The following AOPEP variants were observed in gnomAD, a reference collection of about 807,000 sequenced individuals.
AOPEP encodes the protein aminopeptidase O.
Under a neutral mutation model 98.1 loss-of-function variants are expected in AOPEP, and 77 were observed. The observed-to-expected ratio is 0.78, with a 90% CI of 0.65 to 0.95. AOPEP has a LOEUF of 0.95. Among genes scored for constraint, AOPEP ranks in the 40% least tolerant of loss-of-function variants. The probability of loss-of-function intolerance (pLI) is 0.00; values close to 1 mark genes in which losing one functional copy is unlikely to be tolerated. For missense variants in AOPEP, 1,024 were observed against 1,024.7 expected, an observed-to-expected ratio of 1.00 and a Z score of 0.01; for synonymous variants, 346 against 365.3, an observed-to-expected ratio of 0.95 and a Z score of 0.60.
chr9:94,792,201 G>A (rs2133452373), intron 3 of AOPEP, among the ~76,000 whole-genome samples: 1 of 152,310 alleles, frequency 6.6e-6, no homozygotes, highest in East Asian at 1.9e-4. Context: ...CAGGGACTAA[G>A]GGTAAGACCT....
intron 11 of AOPEP, 33 bp downstream of exon 11, chr9:94,979,460 T>C: frequency 7.1e-7 from 1 of 1,399,106 alleles, no homozygotes; most frequent in Non-Finnish European, 1.0e-6. Context: ...GTAGAATCCA[T>C]GGAGAGTAGT....
At chr9:95,042,173 G>A (rs951043628) in intron 13 of AOPEP, among the ~76,000 whole-genome samples, 23 of 152,084 alleles carry the variant, frequency 1.5e-4, no homozygotes, top group African/African-American at 4.8e-4. Flanking sequence ...TTAGCTGGGC[G>A]TGGTGGCAGA....
At chr9:94,928,838 G>A in intron 7 of AOPEP, 1 of 276,778 alleles carries the variant, frequency 3.6e-6, no homozygotes, top group Non-Finnish European at 6.8e-6. Flanking sequence ...GAGGGTTGGG[G>A]TTTGGCAGCC....
the AOPEP span, among the ~76,000 whole-genome samples, chr9:95,147,076 T>C: frequency 6.6e-6 from 1 of 150,862 alleles, no homozygotes; most frequent in Non-Finnish European, 1.5e-5. Flanking sequence ...AATATATATT[T>C]TAGATTATTA....
chr9:95,048,060 G>A (rs2133731825), intron 13 of AOPEP, among the ~76,000 whole-genome samples: 1 of 151,908 alleles, frequency 6.6e-6, no homozygotes, highest in South Asian at 2.1e-4. Flanking sequence ...TTTCCACCAG[G>A]TGGTCCAGGA....
chr9:94,790,000 A>C (rs1355463769), intron 3 of AOPEP, among the ~76,000 whole-genome samples: 1 of 151,414 alleles, frequency 6.6e-6, no homozygotes, highest in Non-Finnish European at 1.5e-5. Flanking sequence ...CAGCCTCCCG[A>C]GTAGCTGGGA....
In AOPEP at chr9:94,887,446, G is replaced by C. The variant is rs182104054; in HGVS notation, c.1365-36540G>C. ...TGGCATAAGCATTGTACTTGAGTTG[G>C]AAGTCCTGGTATTTTATGACCTGGG... On this transcript the variant is annotated intron_variant, in intron 5 of 16. Coordinates refer to ENST00000375315, the MANE Select transcript of AOPEP (RefSeq NM_001193329.3). Among the ~76,000 whole-genome samples the C allele has an allele frequency of 8.5e-5, 13 of 152,184 alleles. No homozygotes were observed. The East Asian group carries it at 2.5e-3, about 29-fold the overall frequency.
chr9:94,990,052 A>C (rs1451229014), intron 11 of AOPEP, among the ~76,000 whole-genome samples: 1 of 152,244 alleles, frequency 6.6e-6, no homozygotes, highest in Non-Finnish European at 1.5e-5. Flanking sequence ...TCTGCAAACC[A>C]ACCTTTGCCC....
intron 5 of AOPEP, among the ~76,000 whole-genome samples, chr9:94,902,696 G>T (rs933470805): frequency 6.6e-6 from 1 of 151,940 alleles, no homozygotes; most frequent in Non-Finnish European, 1.5e-5. Flanking sequence ...GTACTTGTGG[G>T]TGTGTTCCCC....
chr9:94,998,454 G>A (rs148944698), intron 11 of AOPEP, among the ~76,000 whole-genome samples: 1,534 of 152,190 alleles, frequency 0.01, 9 homozygotes, highest in Middle Eastern at 0.027. Context: ...TCTCTGGTAG[G>A]GGTGCTTCAA....
intron 13 of AOPEP, among the ~76,000 whole-genome samples, chr9:95,042,805 G>A (rs1432712481): frequency 1.3e-5 from 2 of 152,240 alleles, no homozygotes; most frequent in South Asian, 2.1e-4. Context: ...ATAATCCAGG[G>A]TAATCTAATA....
At chr9:94,896,784 A>C (rs576580173) in intron 5 of AOPEP, among the ~76,000 whole-genome samples, 12 of 152,280 alleles carry the variant, frequency 7.9e-5, no homozygotes, top group Admixed American at 3.9e-4. Flanking sequence ...TGAAGACTAA[A>C]TGTTATGTGG....
intron 5 of AOPEP, among the ~76,000 whole-genome samples, chr9:94,905,651 C>T (rs2051031700): frequency 1.3e-5 from 2 of 152,246 alleles, no homozygotes; most frequent in South Asian, 2.1e-4. Context: ...ACGCTTTTGC[C>T]CCAATCTTGT....
the AOPEP span, among the ~76,000 whole-genome samples, chr9:95,138,708 G>A: frequency 6.6e-6 from 1 of 152,170 alleles, no homozygotes; most frequent in Admixed American, 6.5e-5. Context: ...CATTCATCCT[G>A]CCAGGTGGTG....
Position 95,005,157 on chromosome 9 carries a change from G to A in AOPEP, c.1978-1G>A, listed in dbSNP as rs772001274. On this transcript the variant is annotated splice_acceptor_variant, in intron 11 of 16. Transcript: ENST00000375315. LOFTEE classifies it high-confidence loss of function. ...CTTGACTGTGTCCTCTTCCCCCGCA[G>A]CCGCTGCAGAGGGAGCGTCGCGCCG... is the stretch of plus-strand genomic sequence containing the variant. The A allele has an allele frequency of 8.7e-7, 1 of 1,149,406 alleles. No homozygotes were observed. The highest frequency in any genetic ancestry group is 1.1e-6 in the Non-Finnish European group (1 of 932,156). The allele number at this position is 1,149,406 out of a possible 1,614,324, so 71.2% of individuals were successfully genotyped here.
chr9:95,012,993 G>GGA (rs531681549), intron 13 of AOPEP, among the ~76,000 whole-genome samples: 1 of 135,452 alleles, frequency 7.4e-6, no homozygotes, highest in African/African-American at 2.8e-5. Context: ...TTTTTGGGGG[G>GGA]GGGGGCAGGG....
rs2048967099 is a variant in AOPEP at position 94,892,301 on chromosome 9, C to A, written c.1365-31685C>A. ...AGACCTTTATGATATGAATTTAGATCTTTTATTATTTTCCCACAGAACCCT... is the reference window on the plus strand; with the variant it reads ...AGACCTTTATGATATGAATTTAGATATTTTATTATTTTCCCACAGAACCCT... On this transcript the variant is annotated intron_variant, in intron 5 of 16. Transcript: ENST00000375315. Among the ~76,000 whole-genome samples the A allele has an allele frequency of 2.0e-5, 3 of 152,248 alleles. No individual in the cohort carries two copies. The South Asian group carries it at 6.2e-4, about 32-fold the overall frequency.
intron 13 of AOPEP, among the ~76,000 whole-genome samples, chr9:95,049,263 G>A (rs936957530): frequency 1.2e-4 from 18 of 152,224 alleles, no homozygotes; most frequent in African/African-American, 4.3e-4. Flanking sequence ...TAAAGGTGGA[G>A]ATTATAGTTG....
At chr9:95,061,222 A>G (rs1357619554) in intron 14 of AOPEP, among the ~76,000 whole-genome samples, 1 of 152,228 alleles carries the variant, frequency 6.6e-6, no homozygotes, top group African/African-American at 2.4e-5. Flanking sequence ...AATGAAAACT[A>G]AATCTAGCAG....
Sources: allele counts gnomAD v4.1 joint callset (sites outside exome capture counted in the v4.1 genomes callset), GRCh38; gene constraint gnomAD v4.1.1; transcripts MANE v1.5; gene names NCBI Gene and HGNC (gene_info 2026-07-23, HGNC 2026-07-21).